The following PDILT variants were observed in gnomAD, a reference collection of about 807,000 sequenced individuals.
The protein encoded by PDILT is protein disulfide-isomerase-like protein of the testis.
A neutral mutation model predicts 53.7 loss-of-function variants in PDILT; 43 were observed. The ratio of observed to expected loss-of-function variants is 0.80; its 90% CI spans 0.63 to 1.03. The LOEUF is 1.03. Ranked by LOEUF, PDILT falls within the 50% of genes least tolerant of loss-of-function variation. The pLI is 0.00. For missense variants in PDILT, 727 were observed against 712.3 expected (o/e 1.02, Z -0.24); for synonymous variants, 282 against 274.2 (o/e 1.03, Z -0.28).
At chr16:20,403,874 A>C (rs187684556) in intron 1 of PDILT, among the ~76,000 whole-genome samples, 186 of 150,910 alleles carry the variant, frequency 1.2e-3, no homozygotes, top group African/African-American at 4.3e-3. Flanking sequence ...TGTCTGGGGC[A>C]CCCTTCCCTC....
At chr16:20,360,849 T>C (rs1966090070) in intron 10 of PDILT, among the ~76,000 whole-genome samples, 192 bp from the exon 11 acceptor site, 1 of 152,210 alleles carries the variant, frequency 6.6e-6, no homozygotes, top group African/African-American at 2.4e-5. Flanking sequence ...GACATAGGGT[T>C]GTTATGCAGT....
intron 3 of PDILT, among the ~76,000 whole-genome samples, chr16:20,383,533 G>A (rs1000306053): frequency 7.1e-6 from 1 of 141,246 alleles, no homozygotes; most frequent in Non-Finnish European, 1.5e-5. Flanking sequence ...TGATTGCTCC[G>A]AGGTTCTCTT....
chr16:20,378,981 C>T (rs541446668), intron 3 of PDILT, among the ~76,000 whole-genome samples: 2 of 151,334 alleles, frequency 1.3e-5, no homozygotes, highest in East Asian at 3.9e-4. Flanking sequence ...TTTGTCCATT[C>T]TCTGCTAATG....
intron 9 of PDILT, 30 bp downstream of exon 9, chr16:20,365,390 T>C (rs1312618642): frequency 1.2e-6 from 2 of 1,610,518 alleles, no homozygotes; most frequent in Admixed American, 3.4e-5. Flanking sequence ...TGGCACCCGT[T>C]GCCTCAGAAC....
intron 2 of PDILT, among the ~76,000 whole-genome samples, chr16:20,389,795 G>A (rs897652951): frequency 6.6e-6 from 1 of 152,178 alleles, no homozygotes; most frequent in Non-Finnish European, 1.5e-5. Flanking sequence ...GGGTGATGGG[G>A]AGGTGATGAG....
At chr16:20,400,734 C>A (rs1036304259) in intron 1 of PDILT, among the ~76,000 whole-genome samples, 3 of 152,078 alleles carry the variant, frequency 2.0e-5, no homozygotes, top group Admixed American at 6.5e-5. Flanking sequence ...ATTCTTGACT[C>A]CCTGCCTTGG....
chr16:20,383,039 G>A (rs954537427), intron 3 of PDILT, among the ~76,000 whole-genome samples: 2 of 152,174 alleles, frequency 1.3e-5, no homozygotes, highest in East Asian at 3.9e-4. Context: ...AGCAGTCAGG[G>A]GAGACTTCCT....
intron 2 of PDILT, among the ~76,000 whole-genome samples, chr16:20,396,370 T>C (rs1034299823): frequency 6.6e-6 from 1 of 152,230 alleles, no homozygotes; most frequent in African/African-American, 2.4e-5. Flanking sequence ...TTAAGAGAGA[T>C]TCTTTAGAAC....
At chr16:20,361,983 A>G (rs936658939) in intron 10 of PDILT, among the ~76,000 whole-genome samples, 1 of 152,198 alleles carries the variant, frequency 6.6e-6, no homozygotes, top group Non-Finnish European at 1.5e-5. Context: ...CTGTAATCCC[A>G]AGGTGGAAAT....
intron 1 of PDILT, among the ~76,000 whole-genome samples, chr16:20,402,360 G>A (rs747110128): frequency 3.0e-4 from 46 of 152,048 alleles, no homozygotes; most frequent in African/African-American, 1.0e-3. Flanking sequence ...ATGCAGTGGC[G>A]CGATCTCGGC....
At chr16:20,368,572 G>A (rs1220620146) in intron 8 of PDILT, among the ~76,000 whole-genome samples, 4 of 150,514 alleles carry the variant, frequency 2.7e-5, no homozygotes, top group African/African-American at 9.8e-5. Flanking sequence ...CTGGAGTCTC[G>A]ATTTACTTCT....
At chr16:20,391,426 T>C (rs572151903) in intron 2 of PDILT, among the ~76,000 whole-genome samples, 28 of 152,276 alleles carry the variant, frequency 1.8e-4, no homozygotes, top group African/African-American at 6.5e-4. Context: ...ACCATCATCA[T>C]CTAACCTACT....
chr16:20,363,572 T>G (rs1391344277), intron 9 of PDILT, among the ~76,000 whole-genome samples: 1 of 152,070 alleles, frequency 6.6e-6, no homozygotes, highest in African/African-American at 2.4e-5. Context: ...ATGCAGTAAT[T>G]GCACTTTTCA....
chr16:20,378,046 C>G (rs1320320868), intron 3 of PDILT, among the ~76,000 whole-genome samples: 1 of 152,122 alleles, frequency 6.6e-6, no homozygotes, highest in Admixed American at 6.6e-5. Context: ...GAGAAACAGC[C>G]TATACAAAGT....
In PDILT at chr16:20,362,395, G is replaced by A; in HGVS notation, c.1416+9C>T. The A allele has an allele frequency of 6.2e-7, 1 of 1,613,514 alleles. No homozygotes were observed. Among genetic ancestry groups the A allele is most frequent in the Non-Finnish European group, 8.5e-7 (1 of 1,179,614 alleles). On this transcript the variant is annotated intron_variant, in intron 10 of 11. Coordinates refer to ENST00000302451, the MANE Select transcript of PDILT (RefSeq NM_174924.2). The stretch of plus-strand genomic sequence containing the variant: ...GTTTTCAGCCATGTGCGTCCCAAGA[G>A]CCCCTCACTTGTTGAGAGCCGCTGG...
intron 2 of PDILT, among the ~76,000 whole-genome samples, chr16:20,390,130 T>C (rs1345943585): frequency 3.9e-5 from 6 of 152,154 alleles, no homozygotes; most frequent in Admixed American, 2.6e-4. Flanking sequence ...GCCCATTCCA[T>C]AGGGCCATGT....
In PDILT at chr16:20,359,565, C is replaced by A; in HGVS notation, c.1509G>T (p.Leu503=). The change falls in exon 12 of 12, where the codon CTG becomes CTT. Residue 503 remains leucine, a splice_region_variant and synonymous_variant. Transcript: ENST00000302451. The part of the protein sequence containing the change: ...IKTKIEDEDE[L]LSVEQNEVIE... Reference sequence around the variant, plus strand: ...TCACTTCATTTTGCTCAACAGACAACAGCTATGAAAGCAAAGGTGGAAGGA... The same window carrying A: ...TCACTTCATTTTGCTCAACAGACAAAAGCTATGAAAGCAAAGGTGGAAGGA... 1 of 1,613,352 alleles carries A rather than the reference C, an allele frequency of 6.2e-7. No homozygotes were observed. The highest frequency in any genetic ancestry group is 8.5e-7 in the Non-Finnish European group (1 of 1,179,554).
In PDILT at chr16:20,359,236, T is replaced by C; in HGVS notation, c.*83A>G. The C allele has an allele frequency of 6.4e-7, 1 of 1,562,162 alleles. No individual in the cohort carries two copies. The highest frequency in any genetic ancestry group is 1.2e-5 in the South Asian group (1 of 80,948). On this transcript the variant is annotated 3_prime_UTR_variant, in exon 12 of 12. Transcript: ENST00000302451. ...CCCCACCTACCCTACCACAATGATA[T>C]ATGCTTTTATTGGAATCAATCCATT...
chr16:20,382,112 T>G (rs552597326), intron 3 of PDILT, among the ~76,000 whole-genome samples: 1 of 152,274 alleles, frequency 6.6e-6, no homozygotes, highest in Non-Finnish European at 1.5e-5. Flanking sequence ...TTGACCAGGC[T>G]GGTCTCAAAC....
Sources: gnomAD v4.1 joint callset for allele counts (sites outside exome capture counted in the v4.1 genomes callset) on GRCh38, gnomAD v4.1.1 for gene constraint, MANE v1.5 for transcripts, NCBI Gene and HGNC (gene_info 2026-07-23, HGNC 2026-07-21) for gene names.